The following MALRD1 variants were observed in gnomAD, a reference collection of about 807,000 sequenced individuals.
MALRD1 encodes the protein MAM and LDL receptor class A domain containing 1, also known as MAM and LDL-receptor class A domain-containing protein 1.
In MALRD1, 247 loss-of-function variants were observed where a neutral mutation model predicts 242.1. The observed-to-expected ratio is 1.02, with a 90% CI of 0.92 to 1.13. The LOEUF is 1.13. Ranked by LOEUF, MALRD1 falls within the 50% of genes most tolerant of loss-of-function variation. The pLI is 0.00. For synonymous variants in MALRD1, 995 were observed against 866.6 expected (o/e 1.15, Z -2.60); for missense variants, 2,989 against 2,533.1 (o/e 1.18, Z -3.86).
intron 1 of MALRD1, 37 bp downstream of exon 1, chr10:19,049,174 C>T (rs766733248): frequency 2.8e-5 from 35 of 1,231,354 alleles, no homozygotes; most frequent in African/African-American, 2.2e-4. Flanking sequence ...TTCAATTCCC[C>T]GTACAGCCTG....
At chr10:19,154,590 T>C (rs1834067084) in intron 11 of MALRD1, among the ~76,000 whole-genome samples, 2 of 152,210 alleles carry the variant, frequency 1.3e-5, no homozygotes, top group South Asian at 2.1e-4. Context: ...TTTGTTAATG[T>C]TCAGATTAGA....
At chr10:19,517,568 T>G (rs1833690641) in intron 31 of MALRD1, among the ~76,000 whole-genome samples, 1 of 152,112 alleles carries the variant, frequency 6.6e-6, no homozygotes, top group Non-Finnish European at 1.5e-5. Flanking sequence ...AGATTCTAGG[T>G]CCATAGTTCT....
chr10:19,449,616 G>A (rs1835207757), intron 28 of MALRD1, among the ~76,000 whole-genome samples: 1 of 152,042 alleles, frequency 6.6e-6, no homozygotes, highest in African/African-American at 2.4e-5. Flanking sequence ...ATTTTTTTGA[G>A]GGAAGCAAGA....
At chr10:19,556,716 A>G (rs564138489) in intron 32 of MALRD1, among the ~76,000 whole-genome samples, 2 of 152,268 alleles carry the variant, frequency 1.3e-5, no homozygotes, top group East Asian at 3.9e-4. Flanking sequence ...AAGTTGCTAT[A>G]AACAATCACG....
chr10:19,501,505 G>A (rs1220195012), intron 31 of MALRD1, among the ~76,000 whole-genome samples: 1 of 152,222 alleles, frequency 6.6e-6, no homozygotes, highest in East Asian at 1.9e-4. Context: ...CCAAATGACA[G>A]TGTTGAAGGA....
intron 5 of MALRD1, among the ~76,000 whole-genome samples, chr10:19,106,027 A>AT (rs912926815): frequency 1.3e-5 from 2 of 151,752 alleles, no homozygotes; most frequent in Non-Finnish European, 3.0e-5. Flanking sequence ...ATGTAATCTC[A>AT]TTTTTTTAAA....
At position 19,088,703 on chromosome 10, in the gene MALRD1, A is replaced by T. The variant is rs1449148565; in HGVS notation, c.597+518A>T. Among the ~76,000 whole-genome samples, 238 of 100,860 alleles carry T rather than the reference A, an allele frequency of 2.4e-3. 2 individuals are homozygous for T. Among genetic ancestry groups the T allele is most frequent in the African/African-American group, 9.4e-3 (226 of 24,068 alleles). 66.2% of individuals were successfully genotyped at this position (100,860 alleles called of 152,430 possible). ...TGCACCCACTAACGTGTCATCTAGC[A>T]TTAGGTATATCTCCCAATGCTATCC... On this transcript the variant is annotated intron_variant, in intron 4 of 39. Transcript: ENST00000454679.
chr10:19,420,869 T>C (rs1398824310), intron 28 of MALRD1, among the ~76,000 whole-genome samples: 2 of 152,146 alleles, frequency 1.3e-5, no homozygotes, highest in Non-Finnish European at 2.9e-5. Flanking sequence ...TGTGAAACCA[T>C]CCTCACCACT....
chr10:19,183,115 G>GGT (rs1489899691), intron 14 of MALRD1, among the ~76,000 whole-genome samples: 2 of 137,882 alleles, frequency 1.5e-5, no homozygotes, highest in African/African-American at 5.4e-5. Flanking sequence ...TATTTTGAGG[G>GGT]TTTTTTTTTT....
rs913941457 is a variant in MALRD1, at chr10:19,155,074, G to A, written c.1559-1G>A. On this transcript the variant is annotated splice_acceptor_variant, in intron 11 of 39. Coordinates refer to ENST00000454679, the MANE Select transcript of MALRD1 (RefSeq NM_001142308.3). LOFTEE classifies it high-confidence loss of function. ...CTATGACTTTCCCTTTGTTTTTTCA[G>A]GATCGTTTATTTATTTGGAGGCACA... 1.6e-6 allele frequency: 2 copies of A among 1,231,250 alleles called. No homozygotes were observed. Among genetic ancestry groups the A allele is most frequent in the Non-Finnish European group, 2.0e-6 (2 of 987,630 alleles). 76.3% of individuals were successfully genotyped at this position (1,231,250 alleles called of 1,614,324 possible).
intron 36 of MALRD1, among the ~76,000 whole-genome samples, chr10:19,619,597 C>G (rs1839312771): frequency 6.6e-6 from 1 of 151,846 alleles, no homozygotes; most frequent in African/African-American, 2.4e-5. Context: ...ATGTTTAAAA[C>G]TAACACAAAA....
intron 21 of MALRD1, among the ~76,000 whole-genome samples, chr10:19,290,006 C>T (rs935836542): frequency 3.3e-5 from 5 of 152,094 alleles, no homozygotes; most frequent in African/African-American, 7.2e-5. Context: ...AATATTCTCT[C>T]GCTTTATGCA....
At position 19,144,144 on chromosome 10, in the gene MALRD1, T is replaced by C. The variant is rs776657104; in HGVS notation, c.1412-2054T>C. Among the ~76,000 whole-genome samples, 35 of 152,210 alleles carry C rather than the reference T, an allele frequency of 2.3e-4. 1 individual carries two copies. Among genetic ancestry groups the C allele is most frequent in the Non-Finnish European group, 7.3e-5 (5 of 68,042 alleles). On this transcript the variant is annotated intron_variant, in intron 10 of 39. Coordinates refer to ENST00000454679, the MANE Select transcript of MALRD1 (RefSeq NM_001142308.3). The stretch of plus-strand genomic sequence containing the variant: ...TGCTGTAGTCAACTTTCTTGTTTTT[T>C]ATTTGTAGGGAAATCCATTTAGAGG...
chr10:19,159,376 A>G (rs1443881154), intron 12 of MALRD1, among the ~76,000 whole-genome samples: 1 of 151,444 alleles, frequency 6.6e-6, no homozygotes, highest in Admixed American at 6.6e-5. Flanking sequence ...GGCTATTCTT[A>G]TCCTTCTGTA....
chr10:19,583,841 A>T (rs1837253002), intron 33 of MALRD1, among the ~76,000 whole-genome samples: 1 of 152,112 alleles, frequency 6.6e-6, no homozygotes, highest in Admixed American at 6.6e-5. Context: ...TTGGCTGTGA[A>T]TCCATCTAGT....
intron 35 of MALRD1, among the ~76,000 whole-genome samples, chr10:19,613,652 G>A (rs1479509933): frequency 1.3e-5 from 2 of 151,994 alleles, no homozygotes; most frequent in African/African-American, 2.4e-5. Context: ...CTGTTGACTT[G>A]ACACACTGCA....
intron 21 of MALRD1, among the ~76,000 whole-genome samples, chr10:19,315,046 G>A (rs75225764): frequency 5.1e-5 from 7 of 137,478 alleles, no homozygotes; most frequent in East Asian, 2.1e-4. Context: ...ATATAAATAT[G>A]TAAATATAAT....
intron 24 of MALRD1, among the ~76,000 whole-genome samples, chr10:19,338,060 CAA>C (rs34978144): frequency 0.032 from 4,482 of 137,920 alleles, 123 homozygotes; most frequent in African/African-American, 0.072. Context: ...GATTCTGTCT[CAA>C]AAAAAAAAAA....
At position 19,155,102 on chromosome 10, in the gene MALRD1, G is replaced by A. The variant is rs1028771107; in HGVS notation, c.1586G>A (p.Arg529His). The change falls in exon 12 of 40, where the codon CGC becomes CAC. Residue 529 changes from arginine (R) to histidine (H), a missense_variant. Arg to His is a conservative substitution (Grantham distance 29). Coordinates refer to ENST00000454679, the MANE Select transcript of MALRD1 (RefSeq NM_001142308.3). ...HGSFIYLEAQ[R>H]SPGVAKLGSP... The stretch of plus-strand genomic sequence containing the variant: ...TCGTTTATTTATTTGGAGGCACAGC[G>A]CTCCCCCGGGGTGGCCAAGCTTGGA... 4.1e-6 allele frequency: 5 copies of A among 1,231,322 alleles called. No homozygotes were observed. The highest frequency in any genetic ancestry group is 3.1e-4 in the Middle Eastern group (1 of 3,230). The allele number at this position is 1,231,322 out of a possible 1,614,324, so 76.3% of individuals were successfully genotyped here.
Sources: allele counts gnomAD v4.1 joint callset (sites outside exome capture counted in the v4.1 genomes callset), GRCh38; gene constraint gnomAD v4.1.1; transcripts MANE v1.5; gene names NCBI Gene and HGNC (gene_info 2026-07-23, HGNC 2026-07-21).